Variants in SDK1 observed in about 807,000 individuals in gnomAD.
The protein encoded by SDK1 is protein sidekick-1.
In SDK1, 157 loss-of-function variants were observed where a neutral mutation model predicts 245.5. That is an observed-to-expected ratio of 0.64 (90% CI 0.56 to 0.73). The LOEUF is 0.73. Ranked by LOEUF, SDK1 falls within the 30% of genes least tolerant of loss-of-function variation. The probability of loss-of-function intolerance (pLI) is 0.00; values close to 1 mark genes in which losing one functional copy is unlikely to be tolerated. For synonymous variants in SDK1, 1,647 were observed against 1,278.5 expected (o/e 1.29, Z -6.15); for missense variants, 3,583 against 3,002.3 (o/e 1.19, Z -4.52).
chr7:3,950,772 CA>C, intron 5 of SDK1, 150 bp from the exon 6 acceptor site: 1 of 613,824 alleles, frequency 1.6e-6, no homozygotes, highest in Admixed American at 2.7e-5. Flanking sequence ...GTGGAGCCAT[CA>C]TACATCAGGG....
At chr7:3,799,683 C>T (rs962639760) in intron 4 of SDK1, among the ~76,000 whole-genome samples, 3 of 129,412 alleles carry the variant, frequency 2.3e-5, no homozygotes, top group East Asian at 2.3e-4. Context: ...CCAGCCTGGG[C>T]GACAGAGTGA....
chr7:4,216,008 C>T (rs1324537680), intron 38 of SDK1, among the ~76,000 whole-genome samples: 1 of 152,158 alleles, frequency 6.6e-6, no homozygotes, highest in African/African-American at 2.4e-5. Flanking sequence ...CCTGCATTCT[C>T]TCTTCCTCCC....
chr7:4,011,096 C>T lies in SDK1; in HGVS notation c.2262C>T (p.Tyr754=), dbSNP rs955247738. 6.2e-7 allele frequency: 1 copy of T among 1,613,958 alleles called. No individual in the cohort carries two copies. Among genetic ancestry groups the T allele is most frequent in the Non-Finnish European group, 8.5e-7 (1 of 1,180,028 alleles). Reference sequence around the variant, plus strand: ...TGAATGAAGTGGGCAGGGGCCAGTACAGCGCCGAGACAAGCAGGTGCGTGA... The same window carrying T: ...TGAATGAAGTGGGCAGGGGCCAGTATAGCGCCGAGACAAGCAGGTGCGTGA... ...CAVNEVGRGQ[Y]SAETSRLMLP... The change falls in exon 15 of 45, where the codon TAC becomes TAT. Residue 754 remains tyrosine, a synonymous_variant. Coordinates refer to ENST00000404826, the MANE Select transcript of SDK1 (RefSeq NM_152744.4).
At chr7:4,113,501 C>A (rs939833075) in intron 24 of SDK1, 62 bp downstream of exon 24, 3 of 1,568,402 alleles carry the variant, frequency 1.9e-6, no homozygotes, top group Admixed American at 1.7e-5. Flanking sequence ...AGGGCACACA[C>A]TAATCCAGGG....
At chr7:3,848,732 C>T (rs532992929) in intron 5 of SDK1, among the ~76,000 whole-genome samples, 9 of 151,680 alleles carry the variant, frequency 5.9e-5, no homozygotes, top group Admixed American at 6.6e-5. Flanking sequence ...AGTGCAGTGG[C>T]GCGATCACGG....
intron 1 of SDK1, among the ~76,000 whole-genome samples, chr7:3,483,409 G>A (rs557261818): frequency 6.6e-6 from 1 of 152,170 alleles, no homozygotes; most frequent in South Asian, 2.1e-4. Flanking sequence ...AGGCTGTTGA[G>A]TTTTGTGTTC....
At chr7:4,101,303 C>T (rs900119689) in intron 22 of SDK1, among the ~76,000 whole-genome samples, 27 of 152,084 alleles carry the variant, frequency 1.8e-4, no homozygotes, top group African/African-American at 5.1e-4. Flanking sequence ...CACCACACCA[C>T]GCCCGGCTAA....
chr7:4,017,314 T>G lies in SDK1; in HGVS notation c.2564T>G (p.Val855Gly). The change falls in exon 17 of 45, where the codon GTC becomes GGC. Residue 855 changes from valine (V) to glycine (G), a missense_variant. Transcript: ENST00000404826. Reference sequence around the variant, plus strand: ...GCGTACAACGGGGCCGGTCTGGGCGTCTTCAGCAGGGCAGTGACCGAGTAC... The same window carrying G: ...GCGTACAACGGGGCCGGTCTGGGCGGCTTCAGCAGGGCAGTGACCGAGTAC... ...VAAYNGAGLGVFSRAVTEYTL... is the reference protein window; with the variant it reads ...VAAYNGAGLGGFSRAVTEYTL... 2.9e-5 allele frequency: 47 copies of G among 1,613,706 alleles called. No homozygotes were observed. Among genetic ancestry groups the G allele is most frequent in the Non-Finnish European group, 3.9e-5 (46 of 1,179,804 alleles).
intron 5 of SDK1, among the ~76,000 whole-genome samples, chr7:3,847,030 C>A (rs1385250563): frequency 6.6e-6 from 1 of 152,122 alleles, no homozygotes; most frequent in Non-Finnish European, 1.5e-5. Context: ...TAGTCTCTGA[C>A]AGCTGCCGCT....
At chr7:3,820,638 G>T (rs1779622037) in intron 4 of SDK1, among the ~76,000 whole-genome samples, 2 of 152,164 alleles carry the variant, frequency 1.3e-5, no homozygotes, top group African/African-American at 4.8e-5. Context: ...TCTTTCTATG[G>T]TATGATTGGA....
At chr7:4,190,366 G>A (rs929783457) in intron 35 of SDK1, among the ~76,000 whole-genome samples, 2 of 152,186 alleles carry the variant, frequency 1.3e-5, no homozygotes, top group African/African-American at 2.4e-5. Flanking sequence ...AACATCTGCC[G>A]AAAGCCTACT....
intron 5 of SDK1, among the ~76,000 whole-genome samples, chr7:3,865,737 A>C (rs374626076): frequency 2.0e-5 from 3 of 149,532 alleles, no homozygotes; most frequent in African/African-American, 4.9e-5. Flanking sequence ...CTGGTCTGAA[A>C]CTCCTGGCCT....
chr7:4,245,953 G>T (rs1156411641), intron 44 of SDK1, 148 bp downstream of exon 44: 2 of 1,009,222 alleles, frequency 2.0e-6, no homozygotes, highest in Non-Finnish European at 2.9e-6. Flanking sequence ...TTATGCAGAT[G>T]AGAAAAGAGC....
chr7:3,504,087 T>C (rs546979904), intron 1 of SDK1, among the ~76,000 whole-genome samples: 1 of 150,242 alleles, frequency 6.7e-6, no homozygotes, highest in South Asian at 2.1e-4. Context: ...GAGGCAGAGG[T>C]TGTAGTGAGC....
rs1471652494 is a variant in SDK1, at chr7:3,690,208, A to G, written c.713+48103A>G. On this transcript the variant is annotated intron_variant, in intron 4 of 44. Coordinates refer to ENST00000404826, the MANE Select transcript of SDK1 (RefSeq NM_152744.4). ...GCGTCACCTACCTCATCACGACGCT[A>G]ATGTTTCCAGGGCTTGCTAGTTGAA... Among the ~76,000 whole-genome samples the G allele has an allele frequency of 3.3e-5, 5 of 152,264 alleles. No homozygotes were observed. The East Asian group carries it at 5.8e-4, about 18-fold the overall frequency.
chr7:4,211,929 G>C (rs1056710378), intron 38 of SDK1, among the ~76,000 whole-genome samples: 1 of 152,170 alleles, frequency 6.6e-6, no homozygotes, highest in Non-Finnish European at 1.5e-5. Context: ...TGTTATTCCA[G>C]TGCCTTCTGT....
intron 4 of SDK1, among the ~76,000 whole-genome samples, chr7:3,709,348 G>A (rs953509619): frequency 1.3e-5 from 2 of 152,190 alleles, no homozygotes; most frequent in African/African-American, 4.8e-5. Context: ...ATCCATGCTG[G>A]AGACTGGGCA....
chr7:3,724,858 C>T (rs889697222), intron 4 of SDK1, among the ~76,000 whole-genome samples: 2 of 152,172 alleles, frequency 1.3e-5, no homozygotes, highest in East Asian at 1.9e-4. Context: ...ACCCTTCCAC[C>T]GAAGAGAACT....
chr7:3,435,353 C>G (rs1412514309), intron 1 of SDK1, among the ~76,000 whole-genome samples: 1 of 62,014 alleles, frequency 1.6e-5, no homozygotes. Flanking sequence ...TTTTTTGAGA[C>G]GGAGTCTTGC....
Sources: allele counts gnomAD v4.1 joint callset (sites outside exome capture counted in the v4.1 genomes callset), GRCh38; gene constraint gnomAD v4.1.1; transcripts MANE v1.5; gene names NCBI Gene and HGNC (gene_info 2026-07-23, HGNC 2026-07-21).